Variants in CSMD1 observed in about 807,000 individuals in gnomAD.
The protein encoded by CSMD1 is CUB and Sushi multiple domains 1, also known as CUB and sushi domain-containing protein 1.
In CSMD1, 213 loss-of-function variants were observed where a neutral mutation model predicts 417.5. The ratio of observed to expected loss-of-function variants is 0.51; its 90% CI spans 0.46 to 0.57. CSMD1 has a LOEUF of 0.57. CSMD1 is among the 20% of genes least tolerant of loss of function. CSMD1 has a pLI of 0.00. For synonymous variants in CSMD1, 2,862 were observed against 1,736.8 expected, an observed-to-expected ratio of 1.65 and a Z score of -16.11; for missense variants, 6,923 against 4,529.7, an observed-to-expected ratio of 1.53 and a Z score of -15.17.
chr8:3,908,961 C>T (rs1808283826), intron 5 of CSMD1, among the ~76,000 whole-genome samples: 1 of 152,198 alleles, frequency 6.6e-6, no homozygotes, highest in Admixed American at 6.5e-5. Context: ...CACTACTGTT[C>T]TCCTTCACTA....
chr8:3,974,723 A>G (rs1200396122), intron 5 of CSMD1, among the ~76,000 whole-genome samples: 1 of 152,020 alleles, frequency 6.6e-6, no homozygotes, highest in African/African-American at 2.4e-5. Flanking sequence ...GATGAAGAAC[A>G]GAACAGGCAA....
intron 1 of CSMD1, among the ~76,000 whole-genome samples, chr8:4,986,051 A>T (rs1811164632): frequency 6.6e-6 from 1 of 152,236 alleles, no homozygotes; most frequent in African/African-American, 2.4e-5. Context: ...TGTATTATAC[A>T]TCAAAGTACA....
chr8:3,051,458 G>A (rs73488468), intron 50 of CSMD1, among the ~76,000 whole-genome samples: 8,025 of 152,214 alleles, frequency 0.053, 708 homozygotes, highest in African/African-American at 0.18. Context: ...TGGAGGGTGG[G>A]AGGAAGGTAA....
chr8:3,397,313 G>C (rs1811764016), intron 16 of CSMD1, among the ~76,000 whole-genome samples: 1 of 152,158 alleles, frequency 6.6e-6, no homozygotes. Flanking sequence ...GATGAATTGG[G>C]AGAAAACTTG....
In CSMD1 at chr8:3,899,393, T is replaced by C. The variant is rs376169427; in HGVS notation, c.818+98510A>G. The stretch of plus-strand genomic sequence containing the variant: ...ACAAAGAGTGACTGAACATGACCCA[T>C]ATGGGTATGCTGATTACTTCAACAT... On this transcript the variant is annotated intron_variant, in intron 5 of 69. Coordinates refer to ENST00000635120, the MANE Select transcript of CSMD1 (RefSeq NM_033225.6). Among the ~76,000 whole-genome samples the C allele has an allele frequency of 2.6e-4, 40 of 152,244 alleles. No homozygotes were observed. In the East Asian group the frequency reaches 3.9e-3, roughly 15 times the overall value.
At chr8:4,134,531 G>C (rs577017459) in intron 3 of CSMD1, among the ~76,000 whole-genome samples, 16 of 152,170 alleles carry the variant, frequency 1.1e-4, no homozygotes, top group African/African-American at 3.6e-4. Context: ...GATAACTCTT[G>C]TTGTTTAAGC....
chr8:3,399,486 C>G lies in CSMD1; in HGVS notation c.2310G>C (p.Leu770Phe), dbSNP rs376583770. 6.2e-7 allele frequency: 1 copy of G among 1,609,706 alleles called. No individual in the cohort carries two copies. The highest frequency in any genetic ancestry group is 1.7e-5 in the Admixed American group (1 of 59,468). ...GHLTASSGVI[L>F]PPGWPGYYKD... ...TATAATATCCTGGCCATCCAGGAGG[C>G]AAAATGACTCCGCTGGACGCTGTCA... The change falls in exon 16 of 70, where the codon TTG becomes TTC. Residue 770 changes from leucine (L) to phenylalanine (F), a missense_variant. Coordinates refer to ENST00000635120, the MANE Select transcript of CSMD1 (RefSeq NM_033225.6).
Position 4,532,065 on chromosome 8 carries a change from G to T in CSMD1, c.302+105277C>A, listed in dbSNP as rs189963061. Among the ~76,000 whole-genome samples the T allele has an allele frequency of 2.2e-5, 3 of 137,924 alleles. No homozygotes were observed. The East Asian group carries it at 6.6e-4, about 31-fold the overall frequency. 90.5% of individuals were successfully genotyped at this position (137,924 alleles called of 152,430 possible). A position where few individuals can be genotyped will look rare whatever the true frequency, so the allele number is the denominator to read the frequency against. ...TCAGTCACTCCGGAAAATAAATCCCGCACCCTCATTCACAGTCACTCTGGA... is the reference window on the plus strand; with the variant it reads ...TCAGTCACTCCGGAAAATAAATCCCTCACCCTCATTCACAGTCACTCTGGA... On this transcript the variant is annotated intron_variant, in intron 2 of 69. Coordinates refer to ENST00000635120, the MANE Select transcript of CSMD1 (RefSeq NM_033225.6).
intron 37 of CSMD1, among the ~76,000 whole-genome samples, chr8:3,166,083 C>T (rs1361064281): frequency 6.6e-6 from 1 of 151,840 alleles, no homozygotes; most frequent in African/African-American, 2.4e-5. Flanking sequence ...AGGAAGTAGG[C>T]AGGGTGGTGT....
At chr8:3,398,076 G>A (rs1208376788) in intron 16 of CSMD1, among the ~76,000 whole-genome samples, 1 of 152,094 alleles carries the variant, frequency 6.6e-6, no homozygotes, top group Non-Finnish European at 1.5e-5. Context: ...AATGAGATTG[G>A]GAAAAATCAA....
At chr8:4,399,329 C>CA (rs1554461302) in intron 3 of CSMD1, among the ~76,000 whole-genome samples, 2 of 152,084 alleles carry the variant, frequency 1.3e-5, no homozygotes, top group Non-Finnish European at 2.9e-5. Context: ...ACAATTTAAA[C>CA]AATACACCAT....
intron 2 of CSMD1, among the ~76,000 whole-genome samples, chr8:4,484,078 A>T (rs1487477810): frequency 1.3e-5 from 2 of 152,110 alleles, no homozygotes; most frequent in Non-Finnish European, 2.9e-5. Flanking sequence ...TCAGTTCAAA[A>T]TGAAAGGGTG....
chr8:3,980,776 T>A (rs1320070743), intron 5 of CSMD1, among the ~76,000 whole-genome samples: 1 of 152,148 alleles, frequency 6.6e-6, no homozygotes, highest in Non-Finnish European at 1.5e-5. Context: ...CAGGCGACAT[T>A]CTCACTTAGA....
In CSMD1 at chr8:4,004,908, C is replaced by A. The variant is rs557039499; in HGVS notation, c.611-6798G>T. Among the ~76,000 whole-genome samples, 179 of 152,112 alleles carry A rather than the reference C, an allele frequency of 1.2e-3. 1 individual carries two copies. The highest frequency in any genetic ancestry group is 1.5e-3 in the Non-Finnish European group (102 of 68,012). On this transcript the variant is annotated intron_variant, in intron 4 of 69. Coordinates refer to ENST00000635120, the MANE Select transcript of CSMD1 (RefSeq NM_033225.6). Reference sequence around the variant, plus strand: ...TACAGGCGCCCGCCACCATGCCCAGCTAATTTTTTGTATTTTTAGTAGAGA... The same window carrying A: ...TACAGGCGCCCGCCACCATGCCCAGATAATTTTTTGTATTTTTAGTAGAGA...
At chr8:4,404,438 AG>A (rs1172847238) in intron 3 of CSMD1, among the ~76,000 whole-genome samples, 1 of 152,204 alleles carries the variant, frequency 6.6e-6, no homozygotes, top group Non-Finnish European at 1.5e-5. Flanking sequence ...ATATTTGTCA[AG>A]CAACGAAAGT....
At chr8:3,486,702 G>A (rs980121730) in intron 11 of CSMD1, among the ~76,000 whole-genome samples, 2 of 152,214 alleles carry the variant, frequency 1.3e-5, no homozygotes, top group African/African-American at 4.8e-5. Context: ...TGGGACCTAT[G>A]GCTTCTTCTT....
intron 2 of CSMD1, among the ~76,000 whole-genome samples, chr8:4,428,827 T>A (rs1004941652): frequency 2.6e-5 from 4 of 152,094 alleles, no homozygotes; most frequent in Non-Finnish European, 4.4e-5. Context: ...TGAAGGATTC[T>A]CCTGCCTCAG....
chr8:4,049,661 A>G (rs186951226), intron 3 of CSMD1, among the ~76,000 whole-genome samples: 259 of 152,288 alleles, frequency 1.7e-3, no homozygotes, highest in Middle Eastern at 0.01. Flanking sequence ...ACTAATCGAC[A>G]AGCATAGGTA....
At chr8:4,437,861 G>A (rs1218953303) in intron 2 of CSMD1, among the ~76,000 whole-genome samples, 1 of 152,164 alleles carries the variant, frequency 6.6e-6, no homozygotes, top group African/African-American at 2.4e-5. Flanking sequence ...TAGTTCACCT[G>A]CCTCACTGGT....
Sources: gnomAD v4.1 joint callset for allele counts (sites outside exome capture counted in the v4.1 genomes callset) on GRCh38, gnomAD v4.1.1 for gene constraint, MANE v1.5 for transcripts, NCBI Gene and HGNC (gene_info 2026-07-23, HGNC 2026-07-21) for gene names.